The following OR4M1 variants were observed in gnomAD, a reference collection of about 807,000 sequenced individuals.
The protein encoded by OR4M1 is olfactory receptor family 4 subfamily M member 1.
OR4M1 carries 7 observed loss-of-function variants against 9.8 expected under a neutral mutation model. The ratio of observed to expected loss-of-function variants is 0.71; its 90% CI spans 0.41 to 1.34. The LOEUF (loss-of-function observed/expected upper bound fraction) is 1.34. OR4M1 is among the 40% of genes most tolerant of loss of function. OR4M1 has a pLI of 0.01. For synonymous variants in OR4M1, 121 were observed against 139.8 expected (o/e 0.87, Z 0.95); for missense variants, 331 against 380.4 (o/e 0.87, Z 1.08).
intron 1 of OR4M1, among the ~76,000 whole-genome samples, chr14:19,775,722 C>G (rs1181191385): frequency 6.8e-6 from 1 of 146,110 alleles, no homozygotes; most frequent in South Asian, 2.1e-4. Flanking sequence ...TTTTAATATA[C>G]TTTAATAATA....
chr14:19,778,089 G>A (rs945346904), intron 1 of OR4M1, among the ~76,000 whole-genome samples: 1 of 152,230 alleles, frequency 6.6e-6, no homozygotes, highest in African/African-American at 2.4e-5. Context: ...AGGAATAAAT[G>A]TGATTGATTT....
chr14:19,783,136 T>G lies in OR4M1; in HGVS notation c.*1872T>G, dbSNP rs1878553867. On this transcript the variant is annotated 3_prime_UTR_variant, in exon 2 of 2. Transcript: ENST00000641200. ...AGTAGTGTGATAACTAATTGCTTACTTGGGAATATTATCTGAAATTAGAAA... is the reference window on the plus strand; with the variant it reads ...AGTAGTGTGATAACTAATTGCTTACGTGGGAATATTATCTGAAATTAGAAA... The G allele has an allele frequency of 2.0e-5, 3 of 152,404 alleles. No individual in the cohort carries two copies. The South Asian group carries it at 6.2e-4, about 32-fold the overall frequency. The allele number at this position is 152,404 out of a possible 1,614,324, so 9.4% of individuals were successfully genotyped here.
At chr14:19,778,795 A>C (rs1346867376) in intron 1 of OR4M1, among the ~76,000 whole-genome samples, 1 of 151,112 alleles carries the variant, frequency 6.6e-6, no homozygotes, top group Non-Finnish European at 1.5e-5. Flanking sequence ...GAAATATGTC[A>C]TTCTGGATAA....
intron 1 of OR4M1, among the ~76,000 whole-genome samples, chr14:19,778,537 A>G (rs1878375764): frequency 6.6e-6 from 1 of 152,260 alleles, no homozygotes; most frequent in African/African-American, 2.4e-5. Context: ...TAATAGCAAA[A>G]TATGTAAATG....
chr14:19,776,195 T>G (rs1317176131), intron 1 of OR4M1, among the ~76,000 whole-genome samples: 1 of 152,214 alleles, frequency 6.6e-6, no homozygotes, highest in Non-Finnish European at 1.5e-5. Context: ...ACCCAAATCA[T>G]TCTTAATTTA....
intron 1 of OR4M1, among the ~76,000 whole-genome samples, chr14:19,779,941 C>A (rs1242732987): frequency 6.6e-6 from 1 of 152,234 alleles, no homozygotes; most frequent in African/African-American, 2.4e-5. Context: ...TCTCTGATTG[C>A]CAGTCTAAAA....
In OR4M1 at chr14:19,781,901, T is replaced by A. The variant is rs1022793044; in HGVS notation, c.*637T>A. The A allele has an allele frequency of 6.5e-6, 1 of 152,734 alleles. No homozygotes were observed. Among genetic ancestry groups the A allele is most frequent in the Non-Finnish European group, 1.5e-5 (1 of 68,430 alleles). The allele number at this position is 152,734 out of a possible 1,614,324, so 9.5% of individuals were successfully genotyped here. On this transcript the variant is annotated 3_prime_UTR_variant, in exon 2 of 2. Transcript: ENST00000641200. ...TATCACATTATGAAAACAAATTTTA[T>A]GAATTCAAAGCAGAGTATAATTTGG...
intron 1 of OR4M1, 69 bp from the exon 2 acceptor site, chr14:19,780,225 T>A (rs1878427692): frequency 1.5e-6 from 2 of 1,319,352 alleles, no homozygotes; most frequent in South Asian, 1.5e-5. Context: ...GTATGACAAT[T>A]TTGAAAGCAG....
At chr14:19,774,936 C>A (rs566715293) in intron 1 of OR4M1, among the ~76,000 whole-genome samples, 1 of 152,052 alleles carries the variant, frequency 6.6e-6, no homozygotes, top group African/African-American at 2.4e-5. Flanking sequence ...CCCCAACCTA[C>A]GGAATGGACC....
Position 19,780,954 on chromosome 14 carries a change from T to C in OR4M1, c.632T>C (p.Phe211Ser), listed in dbSNP as rs779073934. 9 of 1,614,234 alleles carry C rather than the reference T, an allele frequency of 5.6e-6. No individual in the cohort carries two copies. Among genetic ancestry groups the C allele is most frequent in the Non-Finnish European group, 7.6e-6 (9 of 1,180,024 alleles). Residue 211 changes from phenylalanine to serine, a missense_variant, in exon 2 of 2, where the codon TTC (phenylalanine) becomes TCC (serine). Phe to Ser is a radical substitution (Grantham distance 155, BLOSUM62 -2). Transcript: ENST00000641200. ...AGTGGTCTGATCTCTGTGGTGTGTT[T>C]CATTGCTCTGTTAATGTCCTATGCC... is the stretch of plus-strand genomic sequence containing the variant. ...CSSGLISVVC[F>S]IALLMSYAFL...
intron 1 of OR4M1, among the ~76,000 whole-genome samples, chr14:19,776,861 A>T (rs1356046770): frequency 3.3e-5 from 5 of 151,882 alleles, no homozygotes; most frequent in Non-Finnish European, 7.4e-5. Context: ...TTAAATTGCC[A>T]TTGTGGAGTT....
At chr14:19,779,412 C>T (rs371797473) in intron 1 of OR4M1, among the ~76,000 whole-genome samples, 20 of 152,178 alleles carry the variant, frequency 1.3e-4, no homozygotes, top group Non-Finnish European at 2.2e-4. Context: ...TATTTGGTAA[C>T]GTGAACTGTT....
rs963406076 is a variant in OR4M1 at position 19,783,669 on chromosome 14, T to C, written c.*2405T>C. On this transcript the variant is annotated 3_prime_UTR_variant, in exon 2 of 2. Transcript: ENST00000641200. Reference sequence around the variant, plus strand: ...TTTAAATGTCTTTTAATCTCTTTTTTTCTTTCAGTCTCTCCTAGTCCTCCT... The same window carrying C: ...TTTAAATGTCTTTTAATCTCTTTTTCTCTTTCAGTCTCTCCTAGTCCTCCT... The C allele has an allele frequency of 1.3e-5, 2 of 152,312 alleles. No homozygotes were observed. Among genetic ancestry groups the C allele is most frequent in the Admixed American group, 6.5e-5 (1 of 15,288 alleles). The allele number at this position is 152,312 out of a possible 1,614,324, so 9.4% of individuals were successfully genotyped here.
rs1878533809 is a variant in OR4M1, at chr14:19,782,595, T to C, written c.*1331T>C. ...ATTTATTTATTAATTGAGGAGGTAA[T>C]TTATGCCAGACCCAGTGTACCTCGG... On this transcript the variant is annotated 3_prime_UTR_variant, in exon 2 of 2. Transcript: ENST00000641200. The C allele has an allele frequency of 6.6e-6, 1 of 152,338 alleles. No homozygotes were observed. Among genetic ancestry groups the C allele is most frequent in the East Asian group, 1.9e-4 (1 of 5,190 alleles). The allele number at this position is 152,338 out of a possible 1,614,324, so 9.4% of individuals were successfully genotyped here.
rs563990037 is a variant in OR4M1 at position 19,782,225 on chromosome 14, G to A, written c.*961G>A. 6 of 152,392 alleles carry A rather than the reference G, an allele frequency of 3.9e-5. No homozygotes were observed. Among genetic ancestry groups the A allele is most frequent in the African/African-American group, 1.4e-4 (6 of 41,576 alleles). The allele number at this position is 152,392 out of a possible 1,614,324, so 9.4% of individuals were successfully genotyped here. A position where few individuals can be genotyped will look rare whatever the true frequency, so the allele number is the denominator to read the frequency against. ...ATTTCCCATTGAGAGACCTGGATGT[G>A]TTGGTTCCCATGATCCCTTAGAGAA... On this transcript the variant is annotated 3_prime_UTR_variant, in exon 2 of 2. Transcript: ENST00000641200.
chr14:19,776,568 C>A (rs1475367683), intron 1 of OR4M1, among the ~76,000 whole-genome samples: 2 of 152,192 alleles, frequency 1.3e-5, no homozygotes, highest in African/African-American at 4.8e-5. Context: ...ACTTATCCAA[C>A]CACTGGTCTA....
At chr14:19,776,921 T>A (rs964317975) in intron 1 of OR4M1, among the ~76,000 whole-genome samples, 3 of 149,668 alleles carry the variant, frequency 2.0e-5, no homozygotes, top group African/African-American at 7.4e-5. Flanking sequence ...TATGATCCAC[T>A]GATAAATCCT....
rs138721454 is a variant in OR4M1 at position 19,780,452 on chromosome 14, C to T, written c.130C>T (p.Leu44Phe). Residue 44 changes from leucine (L) to phenylalanine (F), a missense_variant, in exon 2 of 2, where the codon CTT (leucine) becomes TTT (phenylalanine). Coordinates refer to ENST00000641200, the MANE Select transcript of OR4M1 (RefSeq NM_001005500.2). ...FYLFILPGNI[L>F]IICTIRLDPH... ...TTTGTTCATCCTACCAGGAAATATC[C>T]TTATCATTTGCACCATCAGGCTAGA... 424 of 1,614,066 alleles carry T rather than the reference C, an allele frequency of 2.6e-4. No homozygotes were observed. In the African/African-American group the frequency reaches 4.9e-3, roughly 19 times the overall value.
chr14:19,781,232 G>A lies in OR4M1; in HGVS notation c.910G>A (p.Val304Ile), dbSNP rs747631089. The change falls in exon 2 of 2, where the codon GTC becomes ATC. Residue 304 changes from valine to isoleucine, a missense_variant. By Grantham distance (29) the Val-to-Ile change is conservative. Coordinates refer to ENST00000641200, the MANE Select transcript of OR4M1 (RefSeq NM_001005500.2). ...AGTAAAGGCAGCCATGAGGAAGGTGGTCACCAAATATATTTTGTGTGAAGA... is the reference window on the plus strand; with the variant it reads ...AGTAAAGGCAGCCATGAGGAAGGTGATCACCAAATATATTTTGTGTGAAGA... ...KEVKAAMRKV[V>I]TKYILCEEK 1.2e-6 allele frequency: 2 copies of A among 1,612,518 alleles called. No individual in the cohort carries two copies. The highest frequency in any genetic ancestry group is 1.7e-5 in the Admixed American group (1 of 59,906).
Sources: allele counts gnomAD v4.1 joint callset (sites outside exome capture counted in the v4.1 genomes callset), GRCh38; gene constraint gnomAD v4.1.1; transcripts MANE v1.5; gene names NCBI Gene and HGNC (gene_info 2026-07-23, HGNC 2026-07-21).